RNF149: variants seen among roughly 807,000 people sequenced by gnomAD.
The protein encoded by RNF149 is E3 ubiquitin-protein ligase RNF149.
RNF149 carries 21 observed loss-of-function variants against 39.0 expected under a neutral mutation model. That is an observed-to-expected ratio of 0.54 (90% CI 0.38 to 0.77). The LOEUF is 0.77. RNF149 is among the 30% of genes least tolerant of loss of function. The pLI is 0.00. For missense variants in RNF149, 493 were observed against 534.9 expected, an observed-to-expected ratio of 0.92 and a Z score of 0.77; for synonymous variants, 209 against 213.6, an observed-to-expected ratio of 0.98 and a Z score of 0.19.
rs1360964467 is a variant in RNF149, at chr2:101,288,973, T to C, written c.863A>G (p.Lys288Arg). The change falls in exon 4 of 7, where the codon AAG becomes AGG. Residue 288 changes from lysine (K) to arginine (R), a missense_variant and splice_region_variant. By Grantham distance (26) the Lys-to-Arg change is conservative. Transcript: ENST00000295317. The stretch of plus-strand genomic sequence containing the variant: ...ATCTCAATATGTAAAAAGAACATAC[T>C]TGCATGGCAGAATTCTAATAATATC... ...VKDIIRILPC[K>R]HIFHRICIDP... 1.3e-6 allele frequency: 2 copies of C among 1,494,686 alleles called. No homozygotes were observed. Among genetic ancestry groups the C allele is most frequent in the Non-Finnish European group, 1.9e-6 (2 of 1,075,060 alleles). The allele number at this position is 1,494,686 out of a possible 1,614,324, so 92.6% of individuals were successfully genotyped here.
chr2:101,302,346 T>C (rs970223587), intron 1 of RNF149, among the ~76,000 whole-genome samples: 4 of 152,144 alleles, frequency 2.6e-5, no homozygotes, highest in African/African-American at 9.7e-5. Flanking sequence ...CCCTAGCAGG[T>C]GAATTTGGTG....
intron 3 of RNF149, among the ~76,000 whole-genome samples, chr2:101,293,631 G>T (rs1156620845): frequency 6.6e-6 from 1 of 152,206 alleles, no homozygotes; most frequent in Admixed American, 6.5e-5. Flanking sequence ...GGACTCCAAG[G>T]GAGTGGACAC....
chr2:101,300,264 G>A (rs1683401035), intron 1 of RNF149, among the ~76,000 whole-genome samples: 1 of 152,100 alleles, frequency 6.6e-6, no homozygotes, highest in African/African-American at 2.4e-5. Flanking sequence ...AGCCCAGTTT[G>A]GCTGGTGACT....
Position 101,308,204 on chromosome 2 carries a change from G to A in RNF149, c.385C>T (p.Arg129Trp), listed in dbSNP as rs780366080. Residue 129 changes from arginine to tryptophan, a missense_variant, in exon 1 of 7, where the codon CGG becomes TGG. Physicochemically the swap from Arg to Trp is moderately radical, Grantham distance 101. Transcript: ENST00000295317. ...TFKDKVLVAA[R>W]RNASAVVLYN... ...AGGACGACGGCCGAGGCGTTCCTCCGCGCCGCCACCAGCACCTTGTCCTTG... is the reference window on the plus strand; with the variant it reads ...AGGACGACGGCCGAGGCGTTCCTCCACGCCGCCACCAGCACCTTGTCCTTG... 10 of 1,609,176 alleles carry A rather than the reference G, an allele frequency of 6.2e-6. No individual in the cohort carries two copies. Among genetic ancestry groups the A allele is most frequent in the Non-Finnish European group, 8.5e-6 (10 of 1,178,872 alleles).
chr2:101,302,989 A>G (rs1434965588), intron 1 of RNF149, among the ~76,000 whole-genome samples: 1 of 152,026 alleles, frequency 6.6e-6, no homozygotes, highest in African/African-American at 2.4e-5. Flanking sequence ...TCTAAAAAAA[A>G]AAAAAAAACA....
intron 3 of RNF149, among the ~76,000 whole-genome samples, chr2:101,291,673 A>AT (rs1350044000): frequency 2.6e-5 from 4 of 152,248 alleles, no homozygotes; most frequent in African/African-American, 9.6e-5. Flanking sequence ...CAATGAAAGT[A>AT]AATAGTATCA....
chr2:101,299,827 A>T (rs940184678), intron 1 of RNF149, among the ~76,000 whole-genome samples: 1 of 152,204 alleles, frequency 6.6e-6, no homozygotes, highest in Non-Finnish European at 1.5e-5. Context: ...CAGAAATCCC[A>T]GGGAGTTGCT....
In RNF149 at chr2:101,308,652, G is replaced by A. The variant is rs547671490; in HGVS notation, c.-64C>T. ...CGCGCGAGTGCGGTGCAGTCGAAGA[G>A]CAGAGAGAAGCGGACACCCACCGCC... On this transcript the variant is annotated 5_prime_UTR_variant, in exon 1 of 7. Transcript: ENST00000295317. 1,611 of 1,367,222 alleles carry A rather than the reference G, an allele frequency of 1.2e-3. No individual in the cohort carries two copies. The highest frequency in any genetic ancestry group is 1.4e-3 in the Non-Finnish European group (1,493 of 1,046,556). 84.7% of individuals were successfully genotyped at this position (1,367,222 alleles called of 1,614,324 possible).
chr2:101,304,834 T>C (rs1364932216), intron 1 of RNF149, among the ~76,000 whole-genome samples: 2 of 122,400 alleles, frequency 1.6e-5, no homozygotes, highest in South Asian at 2.5e-4. Context: ...AGACTACTAG[T>C]ATTTTTTTTT....
chr2:101,308,449 A>G lies in RNF149; in HGVS notation c.140T>C (p.Val47Ala), dbSNP rs1336151810. The change falls in exon 1 of 7, where the codon GTG becomes GCG. Residue 47 changes from valine (V) to alanine (A), a missense_variant. Transcript: ENST00000295317. ...WFSAVVNIEYVDPQTNLTVWS... is the reference protein window; with the variant it reads ...WFSAVVNIEYADPQTNLTVWS... ...CACCGTCAGGTTGGTCTGCGGGTCC[A>G]CGTACTCGATGTTTACCACGGCCGA... is the stretch of plus-strand genomic sequence containing the variant. 5 of 1,611,594 alleles carry G rather than the reference A, an allele frequency of 3.1e-6. No homozygotes were observed. Among genetic ancestry groups the G allele is most frequent in the East Asian group, 2.2e-5 (1 of 44,796 alleles).
chr2:101,299,511 G>T (rs992702068), intron 1 of RNF149, among the ~76,000 whole-genome samples: 1 of 152,214 alleles, frequency 6.6e-6, no homozygotes, highest in African/African-American at 2.4e-5. Flanking sequence ...TATATAGAAA[G>T]AATTATGATG....
At chr2:101,305,672 AAC>A (rs775643881) in intron 1 of RNF149, among the ~76,000 whole-genome samples, 12 of 152,046 alleles carry the variant, frequency 7.9e-5, no homozygotes, top group African/African-American at 2.7e-4. Flanking sequence ...CCCCCGCCCC[AAC>A]ACACACAGAC....
intron 1 of RNF149, among the ~76,000 whole-genome samples, chr2:101,296,850 A>T (rs549436327): frequency 0.011 from 1,607 of 152,058 alleles, 25 homozygotes; most frequent in African/African-American, 0.029. Flanking sequence ...CTTAAAAAAA[A>T]TTTTTTTTTA....
chr2:101,295,223 T>C (rs1683176527), intron 1 of RNF149, 42 bp from the exon 2 acceptor site: 1 of 1,539,182 alleles, frequency 6.5e-7, no homozygotes, highest in African/African-American at 1.4e-5. Context: ...GAACACAAAA[T>C]AAGATACAGA....
downstream of RNF149, chr2:101,272,697 A>G (rs1200549753): frequency 6.1e-5 from 21 of 345,372 alleles, no homozygotes; most frequent in Non-Finnish European, 9.1e-5. Flanking sequence ...TTAGTAATAC[A>G]TATATACTGA....
chr2:101,295,187 G>T lies in RNF149; in HGVS notation c.461-6C>A. On this transcript the variant is annotated splice_polypyrimidine_tract_variant and splice_region_variant and intron_variant, in intron 1 of 6. Coordinates refer to ENST00000295317, the MANE Select transcript of RNF149 (RefSeq NM_173647.4). Reference sequence around the variant, plus strand: ...GACCACTATATTTCCTGTTCCTGTAGGAAAGAACAAAGAAATCAATGTGAA... The same window carrying T: ...GACCACTATATTTCCTGTTCCTGTATGAAAGAACAAAGAAATCAATGTGAA... The T allele has an allele frequency of 6.2e-7, 1 of 1,609,532 alleles. No individual in the cohort carries two copies. The highest frequency in any genetic ancestry group is 2.2e-5 in the East Asian group (1 of 44,816).
downstream of RNF149, among the ~76,000 whole-genome samples, chr2:101,275,097 T>C (rs1299890092): frequency 3.5e-3 from 398 of 115,170 alleles, no homozygotes; most frequent in Middle Eastern, 0.051. Flanking sequence ...GCCTGGCCCT[T>C]CCCTAGTATT....
Position 101,277,069 on chromosome 2 carries a change from C to T in RNF149, c.*169G>A. 1.4e-6 allele frequency: 2 copies of T among 1,383,818 alleles called. No individual in the cohort carries two copies. Among genetic ancestry groups the T allele is most frequent in the South Asian group, 1.5e-5 (1 of 66,298 alleles). 85.7% of individuals were successfully genotyped at this position (1,383,818 alleles called of 1,614,324 possible). ...AATATATGAGGACTAATCGAAAAGTCTCTTCAAGAAGAAAATATCTTAGTC... is the reference window on the plus strand; with the variant it reads ...AATATATGAGGACTAATCGAAAAGTTTCTTCAAGAAGAAAATATCTTAGTC... On this transcript the variant is annotated 3_prime_UTR_variant, in exon 7 of 7. Transcript: ENST00000295317.
chr2:101,275,369 G>A (rs578085807), downstream of RNF149, among the ~76,000 whole-genome samples: 3 of 147,588 alleles, frequency 2.0e-5, no homozygotes, highest in African/African-American at 7.5e-5. Context: ...TGCCTGCCTT[G>A]GCCTCCCAAA....
Sources: allele counts gnomAD v4.1 joint callset (sites outside exome capture counted in the v4.1 genomes callset), GRCh38; gene constraint gnomAD v4.1.1; transcripts MANE v1.5; gene names NCBI Gene and HGNC (gene_info 2026-07-23, HGNC 2026-07-21).